Variants in PIEZO1 observed in about 807,000 individuals in gnomAD.
PIEZO1 encodes piezo-type mechanosensitive ion channel component 1.
PIEZO1 carries 296 observed loss-of-function variants against 297.2 expected under a neutral mutation model. The observed-to-expected ratio is 1.00, with a 90% CI of 0.91 to 1.10. The LOEUF (loss-of-function observed/expected upper bound fraction) is 1.10. Among genes scored for constraint, PIEZO1 ranks in the 50% least tolerant of loss-of-function variants. The pLI is 0.00. For synonymous variants in PIEZO1, 2,427 were observed against 1,507.5 expected (o/e 1.61, Z -14.13); for missense variants, 5,018 against 3,455.5 (o/e 1.45, Z -11.34).
Position 88,749,036 on chromosome 16 carries a change from G to C in PIEZO1, c.160+348C>G, listed in dbSNP as rs998328693. Reference sequence around the variant, plus strand: ...GCGGATCACAAGGTCAGGAGATCGAGACCATCCTGGCTATCACGGTGAAAC... The same window carrying C: ...GCGGATCACAAGGTCAGGAGATCGACACCATCCTGGCTATCACGGTGAAAC... On this transcript the variant is annotated intron_variant, in intron 2 of 50. Transcript: ENST00000301015. 8.0e-5 allele frequency among the ~76,000 whole-genome samples: 12 copies of C among 150,466 alleles called. No homozygotes were observed. In the East Asian group the frequency reaches 1.8e-3, roughly 22 times the overall value.
chr16:88,772,126 C>T (rs1907452131), intron 1 of PIEZO1, among the ~76,000 whole-genome samples: 1 of 151,388 alleles, frequency 6.6e-6, no homozygotes, highest in South Asian at 2.1e-4. Flanking sequence ...GTCAGGATGC[C>T]TGTCCACCTG....
chr16:88,752,628 G>T (rs1906446562), intron 1 of PIEZO1, among the ~76,000 whole-genome samples: 1 of 152,188 alleles, frequency 6.6e-6, no homozygotes, highest in Non-Finnish European at 1.5e-5. Context: ...GGATGGAGAT[G>T]AGGGAGGGGC....
chr16:88,738,966 G>T, intron 5 of PIEZO1: 1 of 582,454 alleles, frequency 1.7e-6, no homozygotes, highest in Non-Finnish European at 3.1e-6. Context: ...CCTGGTAGCA[G>T]CTCCCACCCT....
At position 88,719,865 on chromosome 16, in the gene PIEZO1, G is replaced by C; in HGVS notation, c.6260C>G (p.Thr2087Ser). The C allele has an allele frequency of 6.4e-7, 1 of 1,550,538 alleles. No homozygotes were observed. The highest frequency in any genetic ancestry group is 8.7e-7 in the Non-Finnish European group (1 of 1,146,930). The change falls in exon 43 of 51, where the codon ACC (threonine) becomes AGC (serine). Residue 2087 changes from threonine to serine, a missense_variant. Thr to Ser is a moderately conservative substitution (Grantham distance 58). Transcript: ENST00000301015. ...SAYQIRCGYP[T>S]RILGNFLTKK... ...GGTGAGGAAGTTGCCGAGGATGCGG[G>C]TGGGGTAGCCGCAGCGGATCTGGTA...
At chr16:88,752,940 C>T (rs955707011) in intron 1 of PIEZO1, among the ~76,000 whole-genome samples, 2 of 151,806 alleles carry the variant, frequency 1.3e-5, no homozygotes, top group Non-Finnish European at 2.9e-5. Flanking sequence ...CACCAGGCAG[C>T]GGGCTTGGTC....
chr16:88,746,857 A>T (rs1906085974), intron 2 of PIEZO1, among the ~76,000 whole-genome samples: 1 of 152,290 alleles, frequency 6.6e-6, no homozygotes, highest in South Asian at 2.1e-4. Context: ...TACGGAACAA[A>T]CGGCGAAACG....
intron 1 of PIEZO1, among the ~76,000 whole-genome samples, chr16:88,770,472 C>T (rs1161176286): frequency 6.6e-6 from 1 of 152,196 alleles, no homozygotes; most frequent in Admixed American, 6.5e-5. Flanking sequence ...GTGAAGAGTC[C>T]AGAGTCTGCC....
At chr16:88,721,774 G>T (rs767677400) in intron 37 of PIEZO1, 34 bp downstream of exon 37, 1 of 1,535,998 alleles carries the variant, frequency 6.5e-7, no homozygotes, top group Non-Finnish European at 8.8e-7. Flanking sequence ...GGCGCGGTGG[G>T]CCGGGCGCCC....
intron 2 of PIEZO1, chr16:88,743,155 GC>G (rs1220980256): frequency 4.4e-6 from 2 of 455,770 alleles, no homozygotes; most frequent in African/African-American, 2.0e-5. Flanking sequence ...ACTGGACTCA[GC>G]CCCCCAGCAG....
Position 88,734,378 on chromosome 16 carries a change from GCGTGCCAGGCAGGGACA to G in PIEZO1, c.2141_2157del (p.Val714AlafsTer57). 6.5e-7 allele frequency: 1 copy of G among 1,543,518 alleles called. No individual in the cohort carries two copies. The highest frequency in any genetic ancestry group is 1.2e-5 in the South Asian group (1 of 83,162). ...CACCTGTGAGCCCAGCGCGGGAGGCGCGTGCCAGGCAGGGACACGTGCTCCATGTCGGTGAGCTGCAT... is the reference window on the plus strand; with the variant it reads ...CACCTGTGAGCCCAGCGCGGGAGGCGCGTGCTCCATGTCGGTGAGCTGCAT... On this transcript the variant is annotated frameshift_variant, in exon 16 of 51. Coordinates refer to ENST00000301015, the MANE Select transcript of PIEZO1 (RefSeq NM_001142864.4). LOFTEE classifies it high-confidence loss of function.
intron 1 of PIEZO1, among the ~76,000 whole-genome samples, chr16:88,783,442 G>C (rs1421797280): frequency 6.6e-6 from 1 of 152,212 alleles, no homozygotes; most frequent in Non-Finnish European, 1.5e-5. Context: ...CTGAGAGGGG[G>C]GGCATTCCCT....
rs1353039900 is a variant in PIEZO1, at chr16:88,719,682, C to T, written c.6363G>A (p.Val2121=). ...LVPFLVELRA[V]MDWVWTDTTL... ...TGGTGTCCGTCCACACCCAGTCCAT[C>T]ACTGCCCGCAGCTCCACCAGGAACG... is the stretch of plus-strand genomic sequence containing the variant. The change falls in exon 44 of 51, where the codon GTG becomes GTA. Residue 2121 remains valine, a synonymous_variant. Coordinates refer to ENST00000301015, the MANE Select transcript of PIEZO1 (RefSeq NM_001142864.4). 3 of 1,552,900 alleles carry T rather than the reference C, an allele frequency of 1.9e-6. No individual in the cohort carries two copies. Among genetic ancestry groups the T allele is most frequent in the East Asian group, 2.4e-5 (1 of 41,016 alleles).
chr16:88,758,622 A>C (rs1413189356), intron 1 of PIEZO1, among the ~76,000 whole-genome samples: 3 of 152,234 alleles, frequency 2.0e-5, no homozygotes, highest in African/African-American at 4.8e-5. Context: ...CCACCTGCAG[A>C]GCAGGCCAAG....
At chr16:88,775,889 T>G (rs1907639151) in intron 1 of PIEZO1, among the ~76,000 whole-genome samples, 1 of 152,102 alleles carries the variant, frequency 6.6e-6, no homozygotes, top group South Asian at 2.1e-4. Flanking sequence ...TTGAGGAGAC[T>G]CCTCAGAAGA....
At chr16:88,783,895 G>T (rs1467016335) in intron 1 of PIEZO1, among the ~76,000 whole-genome samples, 1 of 152,218 alleles carries the variant, frequency 6.6e-6, no homozygotes, top group Non-Finnish European at 1.5e-5. Flanking sequence ...CGAGGCAAGG[G>T]CTCCGAAAGG....
intron 1 of PIEZO1, among the ~76,000 whole-genome samples, chr16:88,774,044 T>A (rs1250890527): frequency 6.6e-6 from 1 of 152,156 alleles, no homozygotes; most frequent in African/African-American, 2.4e-5. Flanking sequence ...GGCTTGGAAG[T>A]TCTGTGCCCG....
In PIEZO1 at chr16:88,726,803, A is replaced by G. The variant is rs571629026; in HGVS notation, c.3611T>C (p.Leu1204Pro). The G allele has an allele frequency of 1.3e-6, 2 of 1,550,296 alleles. No individual in the cohort carries two copies. Among genetic ancestry groups the G allele is most frequent in the Non-Finnish European group, 1.7e-6 (2 of 1,146,910 alleles). The part of the protein sequence containing the change: ...FYLLLFGTAL[L>P]QRDTRARLVL... The stretch of plus-strand genomic sequence containing the variant: ...GAGGCGGGCCCGTGTGTCCCTCTGC[A>G]GCAGGGCCGTGCCGAAGAGCAGCAG... The change falls in exon 25 of 51, where the codon CTG becomes CCG. Residue 1204 changes from leucine to proline, a missense_variant. Leu to Pro is a moderately conservative substitution (Grantham distance 98). Transcript: ENST00000301015.
At chr16:88,769,945 T>C (rs1034270705) in intron 1 of PIEZO1, among the ~76,000 whole-genome samples, 1 of 152,120 alleles carries the variant, frequency 6.6e-6, no homozygotes, top group Non-Finnish European at 1.5e-5. Context: ...CAATGCCACA[T>C]GGCGGGGCAG....
rs1459409593 is a variant in PIEZO1, at chr16:88,738,328, G to A, written c.747C>T (p.Cys249=). The A allele has an allele frequency of 3.6e-5, 56 of 1,535,740 alleles. No individual in the cohort carries two copies. The highest frequency in any genetic ancestry group is 7.3e-5 in the East Asian group (3 of 40,926). The part of the protein sequence containing the change: ...PISTRGFSRL[C]VAVGCFGAGH... Reference sequence around the variant, plus strand: ...CGGCGCCGAAGCACCCCACCGCGACGCAGAGTCTGCTGAAGCCCCGAGTGC... The same window carrying A: ...CGGCGCCGAAGCACCCCACCGCGACACAGAGTCTGCTGAAGCCCCGAGTGC... The change falls in exon 7 of 51, where the codon TGC becomes TGT. Residue 249 remains cysteine, a synonymous_variant. Transcript: ENST00000301015.
Sources: allele counts gnomAD v4.1 joint callset (sites outside exome capture counted in the v4.1 genomes callset), GRCh38; gene constraint gnomAD v4.1.1; transcripts MANE v1.5; gene names NCBI Gene and HGNC (gene_info 2026-07-23, HGNC 2026-07-21).